TXNDC8: variants seen among roughly 807,000 people sequenced by gnomAD.
TXNDC8 encodes thioredoxin domain-containing protein 8.
Under a neutral mutation model 12.9 loss-of-function variants are expected in TXNDC8, and 15 were observed. The observed-to-expected ratio is 1.16, with a 90% CI of 0.78 to 1.79. The LOEUF (loss-of-function observed/expected upper bound fraction) is 1.79. Among genes scored for constraint, TXNDC8 ranks in the 40% most tolerant of loss-of-function variants. The pLI, the probability that TXNDC8 is intolerant of heterozygous loss-of-function variation, is 0.00. For missense variants in TXNDC8, 128 were observed against 113.2 expected (o/e 1.13, Z -0.59); for synonymous variants, 40 against 35.4 (o/e 1.13, Z -0.46).
chr9:110,303,916 G>A (rs373914462), intron 4 of TXNDC8, among the ~76,000 whole-genome samples: 12 of 152,154 alleles, frequency 7.9e-5, no homozygotes, highest in East Asian at 3.9e-4. Flanking sequence ...CATTGGTATC[G>A]AGGATTTGTC....
intron 3 of TXNDC8, among the ~76,000 whole-genome samples, chr9:110,313,734 G>T (rs1838776702): frequency 6.6e-6 from 1 of 152,070 alleles, no homozygotes; most frequent in Non-Finnish European, 1.5e-5. Flanking sequence ...CAACCAAAAT[G>T]GAGTAATGTG....
chr9:110,323,004 AT>A, intron 3 of TXNDC8: 1 of 985,420 alleles, frequency 1.0e-6, no homozygotes, highest in Non-Finnish European at 1.2e-6. Context: ...TTGGGTCAAA[AT>A]TATGGAGAAA....
chr9:110,326,634 C>A (rs1289583750), intron 2 of TXNDC8, among the ~76,000 whole-genome samples: 1 of 151,994 alleles, frequency 6.6e-6, no homozygotes, highest in Non-Finnish European at 1.5e-5. Flanking sequence ...GTAAACAAAT[C>A]TTTATAACTC....
rs559744314 is a variant in TXNDC8, at chr9:110,304,649, A to G, written c.196-117T>C. ...AAGGAAGGTGTCAGAAAGGATCTGC[A>G]AAAGTTTCTCTTTGCTAAGAGTTAG... is the stretch of plus-strand genomic sequence containing the variant. On this transcript the variant is annotated intron_variant, in intron 3 of 4. Transcript: ENST00000423740. The G allele has an allele frequency of 5.6e-5, 51 of 914,028 alleles. No homozygotes were observed. In the Middle Eastern group the frequency reaches 6.9e-4, roughly 12 times the overall value. 56.6% of individuals were successfully genotyped at this position (914,028 alleles called of 1,614,324 possible). A position where few individuals can be genotyped will look rare whatever the true frequency, so the allele number is the denominator to read the frequency against.
intron 4 of TXNDC8, 147 bp downstream of exon 5, chr9:110,304,320 G>T: frequency 6.2e-6 from 4 of 642,086 alleles, no homozygotes; most frequent in Non-Finnish European, 1.0e-5. Flanking sequence ...TAACTTTACT[G>T]CCCGGTGTGC....
At chr9:110,313,470 G>A (rs192568109) in intron 3 of TXNDC8, among the ~76,000 whole-genome samples, 15 of 152,236 alleles carry the variant, frequency 9.9e-5, no homozygotes, top group Non-Finnish European at 1.8e-4. Flanking sequence ...GGAGGCTGAC[G>A]TGGGCAGATC....
chr9:110,304,283 G>A (rs1365334961), intron 4 of TXNDC8, among the ~76,000 whole-genome samples, 184 bp downstream of exon 5: 1 of 152,190 alleles, frequency 6.6e-6, no homozygotes, highest in Non-Finnish European at 1.5e-5. Flanking sequence ...TTAGGACTTT[G>A]GGGCAGGGGC....
chr9:110,329,098 T>C, intron 2 of TXNDC8, 134 bp downstream of exon 3: 1 of 732,044 alleles, frequency 1.4e-6, no homozygotes. Context: ...GGAAGTTTAC[T>C]GTAGTTATTA....
At chr9:110,304,651 A>AGAGAAACTTTTGC in intron 3 of TXNDC8, 119 bp from the exon 5 acceptor site, 2 of 896,534 alleles carry the variant, frequency 2.2e-6, no homozygotes, top group Non-Finnish European at 3.3e-6. Flanking sequence ...GGATCTGCAA[A>AGAGAAACTTTTGC]AGTTTCTCTT....
chr9:110,323,298 G>A (rs1839181656), intron 3 of TXNDC8: 1 of 985,444 alleles, frequency 1.0e-6, no homozygotes, highest in Non-Finnish European at 1.2e-6. Context: ...GGATATATTT[G>A]ACTATAACAG....
At chr9:110,333,799 T>C (rs558717199) in intron 2 of TXNDC8, among the ~76,000 whole-genome samples, 1 of 152,370 alleles carries the variant, frequency 6.6e-6, no homozygotes, top group South Asian at 2.1e-4. Flanking sequence ...ATATGGTTTG[T>C]TCTGATAATA....
intron 3 of TXNDC8, among the ~76,000 whole-genome samples, chr9:110,306,615 G>A (rs370453477): frequency 6.6e-6 from 1 of 152,286 alleles, no homozygotes; most frequent in Non-Finnish European, 1.5e-5. Flanking sequence ...TGCCTACTAT[G>A]AGCCACACTT....
At chr9:110,317,295 T>C (rs2118778726) in intron 3 of TXNDC8, among the ~76,000 whole-genome samples, 1 of 152,358 alleles carries the variant, frequency 6.6e-6, no homozygotes, top group East Asian at 1.9e-4. Flanking sequence ...TTCTCATGTT[T>C]CCACTGGAAA....
At chr9:110,329,864 T>C (rs1462547539) in intron 2 of TXNDC8, among the ~76,000 whole-genome samples, 3 of 152,202 alleles carry the variant, frequency 2.0e-5, no homozygotes, top group Admixed American at 2.0e-4. Flanking sequence ...TTTTCCAGGT[T>C]CCATTGCTGG....
At chr9:110,311,518 G>T (rs1485435904) in intron 3 of TXNDC8, among the ~76,000 whole-genome samples, 1 of 40,896 alleles carries the variant, frequency 2.4e-5, no homozygotes, top group Non-Finnish European at 4.6e-5. Flanking sequence ...CAAAAATAAA[G>T]AGGTATATAT....
At chr9:110,302,954 C>T (rs915437865), downstream of TXNDC8, among the ~76,000 whole-genome samples, 3 of 151,950 alleles carry the variant, frequency 2.0e-5, no homozygotes, top group East Asian at 1.9e-4. Flanking sequence ...ATCCTAGCTA[C>T]GCAGGTGGCT....
intron 2 of TXNDC8, among the ~76,000 whole-genome samples, chr9:110,330,093 C>G (rs1307623214): frequency 2.6e-5 from 4 of 152,192 alleles, no homozygotes; most frequent in Non-Finnish European, 5.9e-5. Flanking sequence ...TCCTGGGTAT[C>G]TTTTCAGACA....
chr9:110,323,380 A>T, intron 3 of TXNDC8: 1 of 971,976 alleles, frequency 1.0e-6, no homozygotes, highest in Non-Finnish European at 1.2e-6. Flanking sequence ...TCCAGAATAT[A>T]GAAGCTCATT....
At chr9:110,304,899 G>A (rs1838370225) in intron 3 of TXNDC8, among the ~76,000 whole-genome samples, 1 of 152,116 alleles carries the variant, frequency 6.6e-6, no homozygotes, top group Non-Finnish European at 1.5e-5. Context: ...TGTAATCTGA[G>A]CACCTCGGGA....
Sources: gnomAD v4.1 joint callset for allele counts (sites outside exome capture counted in the v4.1 genomes callset) on GRCh38, gnomAD v4.1.1 for gene constraint, MANE v1.5 for transcripts, NCBI Gene and HGNC (gene_info 2026-07-23, HGNC 2026-07-21) for gene names.